The following TAAR1 variants were observed in gnomAD, a reference collection of about 807,000 sequenced individuals.
The protein encoded by TAAR1 is trace amine associated receptor 1, also known as trace amine-associated receptor 1.
Under a neutral mutation model 1.2 loss-of-function variants are expected in TAAR1, and 1 was observed. The observed-to-expected ratio is 0.81, with a 90% CI of 0.29 to 3.86. The LOEUF (loss-of-function observed/expected upper bound fraction) is 3.86. Among genes scored for constraint, TAAR1 ranks in the 30% most tolerant of loss-of-function variants. The pLI is 0.18. For synonymous variants in TAAR1, 153 were observed against 132.2 expected (o/e 1.16, Z -1.08); for missense variants, 445 against 405.6 (o/e 1.10, Z -0.83).
rs1303404036 is a variant in TAAR1, at chr6:132,646,005, C to G, written c.-2G>C. 6.3e-7 allele frequency: 1 copy of G among 1,578,250 alleles called. No homozygotes were observed. Among genetic ancestry groups the G allele is most frequent in the Non-Finnish European group, 8.6e-7 (1 of 1,160,378 alleles). On this transcript the variant is annotated 5_prime_UTR_variant, in exon 2 of 2. Coordinates refer to ENST00000275216, the MANE Select transcript of TAAR1 (RefSeq NM_138327.4). ...TATATTGTGGCAAAAGGGCATCATT[C>G]CTGAGGGCTGTCAATCAGTTTACTT...
chr6:132,649,868 C>T (rs1777731626), intron 1 of TAAR1, among the ~76,000 whole-genome samples: 1 of 152,040 alleles, frequency 6.6e-6, no homozygotes, highest in Admixed American at 6.6e-5. Flanking sequence ...CCTCCTATTG[C>T]AGGCATGTAC....
chr6:132,646,011 G>C lies in TAAR1; in HGVS notation c.-8C>G. 6.4e-7 allele frequency: 1 copy of C among 1,573,808 alleles called. No homozygotes were observed. The highest frequency in any genetic ancestry group is 8.6e-7 in the Non-Finnish European group (1 of 1,157,760). On this transcript the variant is annotated 5_prime_UTR_variant, in exon 2 of 2. Transcript: ENST00000275216. ...GTGGCAAAAGGGCATCATTCCTGAGGGCTGTCAATCAGTTTACTTTTCCCT... is the reference window on the plus strand; with the variant it reads ...GTGGCAAAAGGGCATCATTCCTGAGCGCTGTCAATCAGTTTACTTTTCCCT...
Position 132,644,196 on chromosome 6 carries a change from G to C in TAAR1, c.*788C>G, listed in dbSNP as rs952370710. 1.3e-5 allele frequency among the ~76,000 whole-genome samples: 2 copies of C among 151,830 alleles called. No individual in the cohort carries two copies. Among genetic ancestry groups the C allele is most frequent in the Admixed American group, 1.3e-4 (2 of 15,198 alleles). On this transcript the variant is annotated 3_prime_UTR_variant, in exon 2 of 2. Coordinates refer to ENST00000275216, the MANE Select transcript of TAAR1 (RefSeq NM_138327.4). Reference sequence around the variant, plus strand: ...CAGTCACGTTATACAGCCACAAAAAGGGATTACTCATAGCTCAAACCTCAG... The same window carrying C: ...CAGTCACGTTATACAGCCACAAAAACGGATTACTCATAGCTCAAACCTCAG...
chr6:132,645,661 A>G lies in TAAR1; in HGVS notation c.343T>C (p.Ser115Pro). The change falls in exon 2 of 2, where the codon TCT becomes CCT. Residue 115 changes from serine (S) to proline (P), a missense_variant. Ser to Pro is a moderately conservative substitution (Grantham distance 74). Coordinates refer to ENST00000275216, the MANE Select transcript of TAAR1 (RefSeq NM_138327.4). ...MLSSASIFHLSFISIDRYYAV... is the reference protein window; with the variant it reads ...MLSSASIFHLPFISIDRYYAV... ...TAGTAGCGGTCAATGGAGATGAAAG[A>G]CAAATGGAAAATGGAGGCTGAGCTC... The G allele has an allele frequency of 6.2e-7, 1 of 1,613,646 alleles. No individual in the cohort carries two copies. The highest frequency in any genetic ancestry group is 1.6e-4 in the Middle Eastern group (1 of 6,062).
chr6:132,650,925 T>A (rs941147709), intron 1 of TAAR1, among the ~76,000 whole-genome samples: 3 of 152,192 alleles, frequency 2.0e-5, no homozygotes, highest in Admixed American at 6.5e-5. Context: ...TACCCCTTTA[T>A]CAGAAAGGAA....
rs1262893127 is a variant in TAAR1 at position 132,646,035 on chromosome 6, C to T, written c.-32G>A. 6.5e-7 allele frequency: 1 copy of T among 1,536,582 alleles called. No homozygotes were observed. The highest frequency in any genetic ancestry group is 8.8e-7 in the Non-Finnish European group (1 of 1,141,954). ...GGGCTGTCAATCAGTTTACTTTTCC[C>T]TTTGTGTGTTGATTTATCTTTTTCC... is the stretch of plus-strand genomic sequence containing the variant. On this transcript the variant is annotated 5_prime_UTR_variant, in exon 2 of 2. Coordinates refer to ENST00000275216, the MANE Select transcript of TAAR1 (RefSeq NM_138327.4).
In TAAR1 at chr6:132,645,539, T is replaced by C; in HGVS notation, c.465A>G (p.Ala155=). 6.2e-7 allele frequency: 1 copy of C among 1,613,692 alleles called. No homozygotes were observed. The highest frequency in any genetic ancestry group is 8.5e-7 in the Non-Finnish European group (1 of 1,179,806). Residue 155 remains alanine, a synonymous_variant, in exon 2 of 2, where the codon GCA becomes GCG. Coordinates refer to ENST00000275216, the MANE Select transcript of TAAR1 (RefSeq NM_138327.4). ...FISWSVPAVF[A]FGMIFLELNF... is the part of the protein sequence containing the mutation. ...TTAGCTCCAGAAAGATCATTCCAAA[T>C]GCAAAAACAGCAGGGACACTCCAAC...
chr6:132,654,675 T>G (rs188449766), intron 1 of TAAR1, among the ~76,000 whole-genome samples: 2 of 152,262 alleles, frequency 1.3e-5, no homozygotes, highest in East Asian at 3.9e-4. Context: ...AGGAAACAAA[T>G]TACTTGCAGA....
intron 1 of TAAR1, among the ~76,000 whole-genome samples, 68 bp downstream of exon 1, chr6:132,659,051 TCTTCCTGTAAA>T (rs1777841019): frequency 7.3e-6 from 1 of 137,016 alleles, no homozygotes; most frequent in Non-Finnish European, 1.5e-5. Context: ...TCTTTAGCAT[TCTTCCTGTAAA>T]ATACTACTTT....
chr6:132,656,907 C>A (rs1044654069), intron 1 of TAAR1, among the ~76,000 whole-genome samples: 1 of 151,866 alleles, frequency 6.6e-6, no homozygotes, highest in African/African-American at 2.4e-5. Flanking sequence ...TGACCACCTG[C>A]TGAGAAATTC....
In TAAR1 at chr6:132,645,928, G is replaced by A. The variant is rs778185133; in HGVS notation, c.76C>T (p.Leu26=). The stretch of plus-strand genomic sequence containing the variant: ...ATTATGAGCACCATTAAACTGTACA[G>A]GGAAGCACGGACATCATTTGACCAG... The part of the protein sequence containing the change: ...NNWSNDVRAS[L]YSLMVLIILT... The change falls in exon 2 of 2, where the codon CTG becomes TTG. Residue 26 remains leucine (L), a synonymous_variant. Coordinates refer to ENST00000275216, the MANE Select transcript of TAAR1 (RefSeq NM_138327.4). 1.2e-5 allele frequency: 19 copies of A among 1,613,240 alleles called. No homozygotes were observed. Among genetic ancestry groups the A allele is most frequent in the Non-Finnish European group, 1.6e-5 (19 of 1,179,526 alleles).
At chr6:132,648,466 T>A (rs139275768) in intron 1 of TAAR1, among the ~76,000 whole-genome samples, 1 of 152,326 alleles carries the variant, frequency 6.6e-6, no homozygotes, top group African/African-American at 2.4e-5. Context: ...GGCAAATTCA[T>A]AGGCCTTGTT....
intron 1 of TAAR1, among the ~76,000 whole-genome samples, chr6:132,650,466 C>A (rs1777737937): frequency 6.6e-6 from 1 of 152,204 alleles, no homozygotes; most frequent in Admixed American, 6.5e-5. Flanking sequence ...CAAAAATGGA[C>A]CATTACAATT....
intron 1 of TAAR1, among the ~76,000 whole-genome samples, chr6:132,651,711 G>A (rs74744166): frequency 0.12 from 17,619 of 152,038 alleles, 3,001 homozygotes; most frequent in African/African-American, 0.37. Flanking sequence ...TTCTTCTCCT[G>A]TCTCTCCACA....
chr6:132,654,829 G>A (rs1225080805), intron 1 of TAAR1, among the ~76,000 whole-genome samples: 2 of 152,082 alleles, frequency 1.3e-5, no homozygotes, highest in Non-Finnish European at 1.5e-5. Context: ...ATTAAGCATC[G>A]AATTCACTTT....
Position 132,645,952 on chromosome 6 carries a change from A to C in TAAR1, c.52T>G (p.Trp18Gly), listed in dbSNP as rs150297388. 987 of 1,610,064 alleles carry C rather than the reference A, an allele frequency of 6.1e-4. 5 individuals carry two copies. The highest frequency in any genetic ancestry group is 1.3e-4 in the East Asian group (6 of 44,776). ...AGGGAAGCACGGACATCATTTGACC[A>C]GTTGTTTTTCACACAGGAAATATTA... is the stretch of plus-strand genomic sequence containing the variant. ...IINISCVKNN[W>G]SNDVRASLYS... The change falls in exon 2 of 2, where the codon TGG becomes GGG. Residue 18 changes from tryptophan (W) to glycine (G), a missense_variant. Trp to Gly is a radical substitution (Grantham distance 184, BLOSUM62 -2). Transcript: ENST00000275216.
In TAAR1 at chr6:132,648,868, A is replaced by G. The variant is rs559726203; in HGVS notation, c.-126-2739T>C. 2.6e-5 allele frequency among the ~76,000 whole-genome samples: 4 copies of G among 152,334 alleles called. No homozygotes were observed. In the East Asian group the frequency reaches 7.7e-4, roughly 29 times the overall value. On this transcript the variant is annotated intron_variant, in intron 1 of 1. Transcript: ENST00000275216. ...TATACAATAGCAATATGGGAAGTTAACAAATTGCTGTTTGATTACCTAACT... is the reference window on the plus strand; with the variant it reads ...TATACAATAGCAATATGGGAAGTTAGCAAATTGCTGTTTGATTACCTAACT...
rs778955563 is a variant in TAAR1 at position 132,645,259 on chromosome 6, C to A, written c.745G>T (p.Ala249Ser). The change falls in exon 2 of 2, where the codon GCT becomes TCT. Residue 249 changes from alanine to serine, a missense_variant. By Grantham distance (99) the Ala-to-Ser change is moderately conservative. Coordinates refer to ENST00000275216, the MANE Select transcript of TAAR1 (RefSeq NM_138327.4). Reference sequence around the variant, plus strand: ...ATCACAATCCCCAATGTCTTCACAGCTTTCCTTTCTTTGCTTTGTGAAATT... The same window carrying A: ...ATCACAATCCCCAATGTCTTCACAGATTTCCTTTCTTTGCTTTGTGAAATT... ...NGISQSKERK[A>S]VKTLGIVMGV... is the part of the protein sequence containing the mutation. The A allele has an allele frequency of 5.0e-6, 8 of 1,613,606 alleles. No homozygotes were observed. The highest frequency in any genetic ancestry group is 1.3e-5 in the African/African-American group (1 of 74,898).
Position 132,644,351 on chromosome 6 carries a change from A to C in TAAR1, c.*633T>G, listed in dbSNP as rs1282119558. On this transcript the variant is annotated 3_prime_UTR_variant, in exon 2 of 2. Transcript: ENST00000275216. Reference sequence around the variant, plus strand: ...AATCCTTACCAGGAAGTATACTATGAATAACATTTTTTTAATTTCATTTGG... The same window carrying C: ...AATCCTTACCAGGAAGTATACTATGCATAACATTTTTTTAATTTCATTTGG... 6.6e-6 allele frequency among the ~76,000 whole-genome samples: 1 copy of C among 150,984 alleles called. No individual in the cohort carries two copies. The highest frequency in any genetic ancestry group is 1.5e-5 in the Non-Finnish European group (1 of 67,620).
Sources: allele counts gnomAD v4.1 joint callset (sites outside exome capture counted in the v4.1 genomes callset), GRCh38; gene constraint gnomAD v4.1.1; transcripts MANE v1.5; gene names NCBI Gene and HGNC (gene_info 2026-07-23, HGNC 2026-07-21).